Variants in INTS1 observed in about 807,000 individuals in gnomAD.
INTS1 encodes integrator complex subunit 1.
A neutral mutation model predicts 241.6 loss-of-function variants in INTS1; 137 were observed. That is an observed-to-expected ratio of 0.57 (90% CI 0.49 to 0.65). The LOEUF (loss-of-function observed/expected upper bound fraction) is 0.65, where lower values mean the gene tolerates loss of function less well. INTS1 is among the 30% of genes least tolerant of loss of function. The pLI is 0.00. For missense variants in INTS1, 3,073 were observed against 3,032.2 expected (o/e 1.01, Z -0.32); for synonymous variants, 1,692 against 1,337.8 (o/e 1.26, Z -5.78).
At position 1,497,074 on chromosome 7, in the gene INTS1, AGG is replaced by A. The variant is rs906051831; in HGVS notation, c.1602+62_1602+63del. On this transcript the variant is annotated intron_variant, in intron 11 of 47. Coordinates refer to ENST00000404767, the MANE Select transcript of INTS1 (RefSeq NM_001080453.3). The surrounding 1 kb of genome is among the most constrained non-coding windows in gnomAD (Gnocchi z 5.3). The stretch of plus-strand genomic sequence containing the variant: ...TGGAGTGTGCATGGGACCCAGGACG[AGG>A]GGGATGGCGGCGCGTGGAACCCGCA... 4.7e-6 allele frequency: 7 copies of A among 1,478,814 alleles called. No homozygotes were observed. The highest frequency in any genetic ancestry group is 4.2e-5 in the African/African-American group (3 of 71,990). The allele number at this position is 1,478,814 out of a possible 1,614,324, so 91.6% of individuals were successfully genotyped here. A position where few individuals can be genotyped will look rare whatever the true frequency, so the allele number is the denominator to read the frequency against.
chr7:1,478,317 G>C, intron 33 of INTS1, 49 bp downstream of exon 33: 3 of 1,598,758 alleles, frequency 1.9e-6, no homozygotes, highest in Non-Finnish European at 2.6e-6. Context: ...CTCAGGTTTG[G>C]GTCTTCCCAG....
chr7:1,484,105 C>T lies in INTS1; in HGVS notation c.3327G>A (p.Pro1109=), dbSNP rs564014761. 43 of 1,612,502 alleles carry T rather than the reference C, an allele frequency of 2.7e-5. No homozygotes were observed. Among genetic ancestry groups the T allele is most frequent in the South Asian group, 7.7e-5 (7 of 91,086 alleles). The stretch of plus-strand genomic sequence containing the variant: ...TCAGCACGGCGTCCGACGCGGCACT[C>T]GGGGAGAGCTTCGAGAAGAGGTGGG... ...IMSHLFSKLS[P]SAASDAVLSA... The change falls in exon 25 of 48, where the codon CCG becomes CCA. Residue 1109 remains proline, a synonymous_variant. Transcript: ENST00000404767.
intron 33 of INTS1, 145 bp from the exon 34 acceptor site, chr7:1,478,081 C>A: frequency 1.3e-6 from 1 of 755,116 alleles, no homozygotes; most frequent in South Asian, 1.7e-5. Flanking sequence ...GAGGAGAGTG[C>A]AGCCGGGGCC....
At position 1,485,954 on chromosome 7, in the gene INTS1, C is replaced by G. The variant is rs181146045; in HGVS notation, c.2977-485G>C. Among the ~76,000 whole-genome samples, 22 of 152,278 alleles carry G rather than the reference C, an allele frequency of 1.4e-4. No homozygotes were observed. In the East Asian group the frequency reaches 3.5e-3, roughly 24 times the overall value. ...GACCACAGGTGCATGCTGCCACACC[C>G]AGCTCATTTTTCTCATCTTTTATTT... On this transcript the variant is annotated intron_variant, in intron 22 of 47. Coordinates refer to ENST00000404767, the MANE Select transcript of INTS1 (RefSeq NM_001080453.3).
rs144881438 is a variant in INTS1 at position 1,490,107 on chromosome 7, C to T, written c.2166-425G>A. Among the ~76,000 whole-genome samples, 36 of 151,848 alleles carry T rather than the reference C, an allele frequency of 2.4e-4. 2 individuals carry two copies. In the East Asian group the frequency reaches 5.1e-3, roughly 21 times the overall value. ...TATGAGACAGATGTGAATCGAGGCA[C>T]TGCCTGGAGCCACATGCAGAGGCTG... On this transcript the variant is annotated intron_variant, in intron 16 of 47. Transcript: ENST00000404767.
At chr7:1,495,718 G>A (rs535397807) in intron 12 of INTS1, among the ~76,000 whole-genome samples, 165 bp from the exon 13 acceptor site, 1 of 152,132 alleles carries the variant, frequency 6.6e-6, no homozygotes, top group Non-Finnish European at 1.5e-5. Context: ...GAGGCATGGA[G>A]TGACCCTGAC....
intron 17 of INTS1, 24 bp downstream of exon 17, chr7:1,489,567 A>G (rs900102836): frequency 1.3e-6 from 2 of 1,553,618 alleles, no homozygotes; most frequent in African/African-American, 1.4e-5. Context: ...ACGTGTGCGC[A>G]TGGGGCGGCC....
At chr7:1,471,358 G>T in intron 45 of INTS1, 134 bp from the exon 46 acceptor site, 1 of 1,041,508 alleles carries the variant, frequency 9.6e-7, no homozygotes, top group Non-Finnish European at 1.4e-6. Flanking sequence ...CAGGACGCAC[G>T]TGCCACTGGC....
At position 1,502,949 on chromosome 7, in the gene INTS1, G is replaced by A. The variant is rs578200754; in HGVS notation, c.301C>T (p.Arg101Ter). Residue 101 changes from arginine to a stop codon, truncating the protein, a stop_gained, in exon 3 of 48, where the codon CGA (arginine) becomes TGA (stop). Coordinates refer to ENST00000404767, the MANE Select transcript of INTS1 (RefSeq NM_001080453.3). LOFTEE classifies it high-confidence loss of function. ...TCTTTAATCGACGGAGAAATGGCTC[G>A]TTTTTCTGCCACTGCAGCCTCAGCC... ...RLAEAAVAEK[R>*]AISPSIKEPS... 7 of 1,613,754 alleles carry A rather than the reference G, an allele frequency of 4.3e-6. No homozygotes were observed. The highest frequency in any genetic ancestry group is 5.1e-6 in the Non-Finnish European group (6 of 1,179,882).
At chr7:1,471,111 C>T in intron 46 of INTS1, 22 bp downstream of exon 46, 2 of 1,549,956 alleles carry the variant, frequency 1.3e-6, no homozygotes, top group Non-Finnish European at 1.7e-6. Flanking sequence ...GGCGGCGGGA[C>T]AGAGGCCGGC....
Position 1,479,638 on chromosome 7 carries a change from CG to C in INTS1, c.4120del (p.Arg1374AlafsTer49). On this transcript the variant is annotated frameshift_variant, in exon 31 of 48. Transcript: ENST00000404767. LOFTEE classifies it high-confidence loss of function. ...CTGCTGCAGGGCGAGGGCCACGGGGCGGGGACTGGAGCTCTGCCACCGAGGG... is the reference window on the plus strand; with the variant it reads ...CTGCTGCAGGGCGAGGGCCACGGGGCGGGACTGGAGCTCTGCCACCGAGGG... ...PDPRWQSSSP[R>X]PVALALQQAL... The C allele has an allele frequency of 6.6e-7, 1 of 1,509,738 alleles. No individual in the cohort carries two copies. The allele number at this position is 1,509,738 out of a possible 1,614,324, so 93.5% of individuals were successfully genotyped here. A position where few individuals can be genotyped will look rare whatever the true frequency, so the allele number is the denominator to read the frequency against.
intron 47 of INTS1, 40 bp downstream of exon 47, chr7:1,470,806 C>T (rs372260855): frequency 5.3e-6 from 8 of 1,520,228 alleles, no homozygotes; most frequent in East Asian, 4.9e-5. Context: ...CCGGCCTCCC[C>T]GAGGGCTGCC....
In INTS1 at chr7:1,493,902, C is replaced by T. The variant is rs2128542074; in HGVS notation, c.1920G>A (p.Leu640=). ...WPPESDRNFF[L]RLCSEVPILE... is the part of the protein sequence containing the mutation. Reference sequence around the variant, plus strand: ...AAATGGGCACCTCGGAGCACAGACGCAGGAAGAAGCTGCGGGGTGGGGGAG... The same window carrying T: ...AAATGGGCACCTCGGAGCACAGACGTAGGAAGAAGCTGCGGGGTGGGGGAG... Residue 640 remains leucine (L), a synonymous_variant, in exon 15 of 48, where the codon CTG becomes CTA. Transcript: ENST00000404767. This position sits in a 1 kb window ranked among gnomAD's most constrained non-coding sequence, Gnocchi z 5.3. 1 of 1,561,002 alleles carries T rather than the reference C, an allele frequency of 6.4e-7. No individual in the cohort carries two copies. Among genetic ancestry groups the T allele is most frequent in the South Asian group, 1.2e-5 (1 of 84,584 alleles).
chr7:1,477,417 G>C (rs1781773921), intron 35 of INTS1, 133 bp downstream of exon 35: 1 of 1,049,704 alleles, frequency 9.5e-7, no homozygotes, highest in South Asian at 1.8e-5. Context: ...TTGCTACAGG[G>C]ACACATGGCC....
Position 1,493,371 on chromosome 7 carries a change from C to T in INTS1, c.2069-265G>A, listed in dbSNP as rs370803964. On this transcript the variant is annotated intron_variant, in intron 15 of 47. Transcript: ENST00000404767. This position sits in a 1 kb window ranked among gnomAD's most constrained non-coding sequence, Gnocchi z 5.3. ...AGGGAGGTGAGGACGGGGGTGTGGC[C>T]GGCAGGGTGGGGACCCGCAAGCCCT... Among the ~76,000 whole-genome samples, 4 of 151,942 alleles carry T rather than the reference C, an allele frequency of 2.6e-5. No individual in the cohort carries two copies. The highest frequency in any genetic ancestry group is 4.2e-4 in the South Asian group (2 of 4,814).
chr7:1,498,289 G>C (rs533889911), intron 10 of INTS1, 123 bp downstream of exon 10: 1 of 1,439,110 alleles, frequency 6.9e-7, no homozygotes, highest in African/African-American at 1.4e-5. Context: ...TCCTTCCCGA[G>C]ACCGAGGAGC....
intron 12 of INTS1, 143 bp from the exon 13 acceptor site, chr7:1,495,696 A>AT: frequency 9.2e-7 from 1 of 1,090,774 alleles, no homozygotes; most frequent in East Asian, 2.6e-5. Context: ...CCCAGCTGGA[A>AT]TAACACCCTG....
Position 1,478,447 on chromosome 7 carries a change from C to G in INTS1, c.4549G>C (p.Val1517Leu). The G allele has an allele frequency of 6.2e-7, 1 of 1,612,444 alleles. No homozygotes were observed. Among genetic ancestry groups the G allele is most frequent in the Non-Finnish European group, 8.5e-7 (1 of 1,179,726 alleles). Residue 1517 changes from valine to leucine, a missense_variant, in exon 33 of 48, where the codon GTC (valine) becomes CTC (leucine). Val to Leu is a conservative substitution (Grantham distance 32, BLOSUM62 1). Coordinates refer to ENST00000404767, the MANE Select transcript of INTS1 (RefSeq NM_001080453.3). ...ALAFRQDLEV[V>L]SSTVRAVIAT... ...ATGACGGCACGGACGGTGGAGCTGA[C>G]CACCTCCAGGTCCTGACGGAAGGCC...
chr7:1,486,960 C>G lies in INTS1; in HGVS notation c.2788G>C (p.Glu930Gln). ...GCCTTCTGCTCCTTGCTCTCGCCCT[C>G]GTCGTCCTCCTCCCCGGAAGCAGCA... ...DDAASGEEDDEGESKEQKAKK... is the reference protein window; with the variant it reads ...DDAASGEEDDQGESKEQKAKK... Residue 930 changes from glutamate (E) to glutamine (Q), a missense_variant, in exon 21 of 48, where the codon GAG (glutamate) becomes CAG (glutamine). Physicochemically the swap from Glu to Gln is conservative, Grantham distance 29. Coordinates refer to ENST00000404767, the MANE Select transcript of INTS1 (RefSeq NM_001080453.3). 1 of 1,607,760 alleles carries G rather than the reference C, an allele frequency of 6.2e-7. No individual in the cohort carries two copies. The highest frequency in any genetic ancestry group is 8.5e-7 in the Non-Finnish European group (1 of 1,179,258).
Sources: gnomAD v4.1 joint callset for allele counts (sites outside exome capture counted in the v4.1 genomes callset) on GRCh38, gnomAD v4.1.1 for gene constraint, Gnocchi (gnomAD v3.1) non-coding constraint, MANE v1.5 for transcripts, NCBI Gene and HGNC (gene_info 2026-07-23, HGNC 2026-07-21) for gene names.